The following MOSMO variants were observed in gnomAD, a reference collection of about 807,000 sequenced individuals.
MOSMO encodes modulator of smoothened protein.
A neutral mutation model predicts 18.4 loss-of-function variants in MOSMO; 5 were observed. The ratio of observed to expected loss-of-function variants is 0.27; its 90% CI spans 0.14 to 0.57. The LOEUF (loss-of-function observed/expected upper bound fraction) is 0.57. Ranked by LOEUF, MOSMO falls within the 20% of genes least tolerant of loss-of-function variation. The pLI is 0.92. For missense variants in MOSMO, 138 were observed against 211.8 expected (o/e 0.65, Z 2.16); for synonymous variants, 82 against 82.3 (o/e 1.00, Z 0.02).
At chr16:22,044,077 A>G (rs919021059) in intron 1 of MOSMO, among the ~76,000 whole-genome samples, 2 of 152,272 alleles carry the variant, frequency 1.3e-5, no homozygotes, top group East Asian at 3.9e-4. Context: ...CCATGAGAAC[A>G]GTATGGGAGG....
intron 1 of MOSMO, among the ~76,000 whole-genome samples, chr16:22,070,742 C>T (rs1348030525): frequency 6.6e-6 from 1 of 152,112 alleles, no homozygotes; most frequent in Non-Finnish European, 1.5e-5. Flanking sequence ...TAAAAATCAT[C>T]ACCACTAGCT....
At chr16:22,092,458 C>T (rs896406952), downstream of MOSMO, 13 of 645,202 alleles carry the variant, frequency 2.0e-5, no homozygotes, top group Admixed American at 2.6e-4. Context: ...AAGGTTTTCC[C>T]TTTCCCTGCC....
At chr16:22,090,524 A>C (rs1901283674), downstream of MOSMO, among the ~76,000 whole-genome samples, 1 of 152,248 alleles carries the variant, frequency 6.6e-6, no homozygotes, top group African/African-American at 2.4e-5. Context: ...CAGAAAAAAC[A>C]GTTACTTCAG....
intron 1 of MOSMO, among the ~76,000 whole-genome samples, chr16:22,035,710 AGTTGTTTAT>A (rs1191307214): frequency 6.6e-6 from 1 of 152,112 alleles, no homozygotes; most frequent in African/African-American, 2.4e-5. Flanking sequence ...ATTTAAGAAG[AGTTGTTTAT>A]ACTGATTTTG....
chr16:22,035,224 G>A (rs71376712), intron 1 of MOSMO, among the ~76,000 whole-genome samples: 12,380 of 152,104 alleles, frequency 0.081, 743 homozygotes, highest in South Asian at 0.25. Flanking sequence ...GTGCTTCTTG[G>A]TGCCTTGCCC....
chr16:22,092,521 G>A (rs1009111915), downstream of MOSMO: 51 of 1,360,636 alleles, frequency 3.7e-5, no homozygotes, highest in East Asian at 3.4e-4. Flanking sequence ...ACACATTCCC[G>A]CAGGGCAAGC....
At chr16:22,063,420 C>T (rs996991966) in intron 1 of MOSMO, among the ~76,000 whole-genome samples, 9 of 152,188 alleles carry the variant, frequency 5.9e-5, no homozygotes, top group Non-Finnish European at 1.2e-4. Flanking sequence ...GCTCTTGTGA[C>T]TTTATAAATT....
chr16:22,071,027 A>G (rs1242263160), intron 1 of MOSMO, among the ~76,000 whole-genome samples: 1 of 152,212 alleles, frequency 6.6e-6, no homozygotes, highest in Non-Finnish European at 1.5e-5. Context: ...TCAAATACAA[A>G]TGCTCTTGGG....
intron 1 of MOSMO, among the ~76,000 whole-genome samples, chr16:22,062,489 A>AT (rs1400263082): frequency 3.9e-5 from 6 of 151,928 alleles, no homozygotes; most frequent in Admixed American, 3.9e-4. Context: ...TGCCCGGCTG[A>AT]TTTTTTTAGT....
chr16:22,049,184 T>A (rs1293781513), intron 1 of MOSMO, among the ~76,000 whole-genome samples: 2 of 152,128 alleles, frequency 1.3e-5, no homozygotes, highest in Non-Finnish European at 2.9e-5. Context: ...AGTCAAAATA[T>A]AGAAGTTTTC....
At chr16:22,053,333 A>C (rs1411443789) in intron 1 of MOSMO, among the ~76,000 whole-genome samples, 1 of 152,034 alleles carries the variant, frequency 6.6e-6, no homozygotes, top group Non-Finnish European at 1.5e-5. Context: ...GTTTAACCTT[A>C]TGCAATTTTA....
chr16:22,089,176 T>C (rs1189691400), downstream of MOSMO, among the ~76,000 whole-genome samples: 1 of 152,144 alleles, frequency 6.6e-6, no homozygotes, highest in Non-Finnish European at 1.5e-5. Flanking sequence ...GCCACCATCT[T>C]CCCACCTCAG....
chr16:22,017,423 ATGT>A (rs1418141704), intron 1 of MOSMO, among the ~76,000 whole-genome samples: 1 of 152,178 alleles, frequency 6.6e-6, no homozygotes, highest in East Asian at 1.9e-4. Context: ...GGTTGTCAGA[ATGT>A]TGTATTTTCA....
chr16:22,064,002 T>C (rs1900701936), intron 1 of MOSMO, among the ~76,000 whole-genome samples: 1 of 152,206 alleles, frequency 6.6e-6, no homozygotes. Context: ...TAATTAACTT[T>C]GTATCCTTGG....
chr16:22,033,048 C>T (rs1276094981), intron 1 of MOSMO, among the ~76,000 whole-genome samples: 2 of 152,108 alleles, frequency 1.3e-5, no homozygotes, highest in East Asian at 3.9e-4. Context: ...GATCTATGTC[C>T]TTATACCAGT....
chr16:22,030,530 T>G (rs1296181202), intron 1 of MOSMO, among the ~76,000 whole-genome samples: 1 of 152,178 alleles, frequency 6.6e-6, no homozygotes, highest in Non-Finnish European at 1.5e-5. Flanking sequence ...GGACTCATTT[T>G]TAACTATTCC....
At chr16:22,029,447 C>G (rs1899950141) in intron 1 of MOSMO, among the ~76,000 whole-genome samples, 1 of 152,122 alleles carries the variant, frequency 6.6e-6, no homozygotes. Context: ...TCCTTTTCTT[C>G]AGAATTCACC....
intron 1 of MOSMO, among the ~76,000 whole-genome samples, chr16:22,040,357 C>A (rs541218199): frequency 6.6e-6 from 1 of 152,204 alleles, no homozygotes; most frequent in Admixed American, 6.5e-5. Context: ...TACAACCAAC[C>A]CCCATAACAC....
At chr16:22,031,576 G>A (rs923144016) in intron 1 of MOSMO, among the ~76,000 whole-genome samples, 1 of 152,280 alleles carries the variant, frequency 6.6e-6, no homozygotes, top group African/African-American at 2.4e-5. Context: ...GTTTCATACA[G>A]TTTACCTATT....
Sources: allele counts gnomAD v4.1 joint callset (sites outside exome capture counted in the v4.1 genomes callset), GRCh38; gene constraint gnomAD v4.1.1; transcripts MANE v1.5; gene names NCBI Gene and HGNC (gene_info 2026-07-23, HGNC 2026-07-21).